STK3: variants seen among roughly 807,000 people sequenced by gnomAD.
The protein encoded by STK3 is serine/threonine kinase 3.
In STK3, 41 loss-of-function variants were observed where a neutral mutation model predicts 58.0. The observed-to-expected ratio is 0.71, with a 90% CI of 0.55 to 0.92. The LOEUF (loss-of-function observed/expected upper bound fraction) is 0.92, where lower values mean the gene tolerates loss of function less well. STK3 is among the 40% of genes least tolerant of loss of function. STK3 has a pLI of 0.00. For synonymous variants in STK3, 170 were observed against 191.0 expected, an observed-to-expected ratio of 0.89 and a Z score of 0.91; for missense variants, 479 against 602.7, an observed-to-expected ratio of 0.79 and a Z score of 2.15.
At chr8:98,858,453 C>T (rs1471562299) in intron 3 of STK3, among the ~76,000 whole-genome samples, 1 of 148,744 alleles carries the variant, frequency 6.7e-6, no homozygotes. Context: ...AGGCGTGAGT[C>T]ACCACATCCA....
intron 3 of STK3, among the ~76,000 whole-genome samples, chr8:98,872,899 C>T (rs1460372961): frequency 6.6e-6 from 1 of 152,094 alleles, no homozygotes; most frequent in Admixed American, 6.5e-5. Flanking sequence ...TATGTTTGCT[C>T]TTGCTTCTCT....
the STK3 span, among the ~76,000 whole-genome samples, chr8:98,355,080 C>T: frequency 6.6e-6 from 1 of 152,200 alleles, no homozygotes; most frequent in African/African-American, 2.4e-5. Flanking sequence ...CGCAACCTGC[C>T]AAGAGTGTCA....
chr8:98,353,650 T>C, the STK3 span, among the ~76,000 whole-genome samples: 1 of 152,172 alleles, frequency 6.6e-6, no homozygotes, highest in South Asian at 2.1e-4. Context: ...CCATTTCAGA[T>C]GAGGGATATT....
chr8:98,361,108 G>C, the STK3 span, among the ~76,000 whole-genome samples: 1 of 152,130 alleles, frequency 6.6e-6, no homozygotes, highest in Admixed American at 6.5e-5. Context: ...TAAGGTATTA[G>C]ATTACACTGA....
At chr8:98,911,382 T>TTTATTTA (rs1359629444) in intron 1 of STK3, among the ~76,000 whole-genome samples, 21 of 145,454 alleles carry the variant, frequency 1.4e-4, no homozygotes, top group African/African-American at 5.4e-4. Context: ...AAATATTGTA[T>TTTATTTA]TGTATTTATT....
At chr8:98,739,084 C>A (rs922834325) in intron 4 of STK3, among the ~76,000 whole-genome samples, 23 of 152,240 alleles carry the variant, frequency 1.5e-4, no homozygotes, top group African/African-American at 5.5e-4. Flanking sequence ...AACAAAGCAG[C>A]CGGGAAGCTC....
At chr8:98,414,855 C>T (rs376928918) in intron 3 of STK3, among the ~76,000 whole-genome samples, 4 of 152,288 alleles carry the variant, frequency 2.6e-5, no homozygotes, top group South Asian at 2.1e-4. Context: ...TCTGCACTAT[C>T]GGAAGGATGT....
At chr8:98,656,404 G>A (rs1391154697) in intron 6 of STK3, among the ~76,000 whole-genome samples, 1 of 152,000 alleles carries the variant, frequency 6.6e-6, no homozygotes, top group Non-Finnish European at 1.5e-5. Context: ...GTTAATGGGT[G>A]CAGCACACCA....
chr8:98,917,503 G>A (rs55892905), intron 1 of STK3, among the ~76,000 whole-genome samples: 12,137 of 152,160 alleles, frequency 0.08, 540 homozygotes, highest in South Asian at 0.1. Flanking sequence ...CCTTGGTCAC[G>A]AGGATGGACC....
rs1376299173 is a variant in STK3, at chr8:98,869,216, T to C, written c.110+14431A>G. Among the ~76,000 whole-genome samples the C allele has an allele frequency of 1.2e-3, 177 of 151,960 alleles. 1 individual carries two copies. The highest frequency in any genetic ancestry group is 1.6e-4 in the Non-Finnish European group (11 of 67,954). On this transcript the variant is annotated intron_variant, in intron 3 of 12. Coordinates refer to the STK3 transcript ENST00000523601. ...CTGGTGGATCACTCGAGCCCAGGAG[T>C]TCGAGGCCAGCCTGGCCAACATGGT...
At chr8:98,879,967 T>C (rs1837735198), downstream of STK3, 1 of 152,100 alleles carries the variant, frequency 6.6e-6, no homozygotes. Context: ...TAGTCAAAAA[T>C]AAATATAAAA....
Position 98,577,857 on chromosome 8 carries a change from T to C in STK3, c.948+1807A>G, listed in dbSNP as rs1004473142. 3.3e-5 allele frequency among the ~76,000 whole-genome samples: 5 copies of C among 152,086 alleles called. No individual in the cohort carries two copies. In the East Asian group the frequency reaches 9.6e-4, roughly 29 times the overall value. On this transcript the variant is annotated intron_variant, in intron 8 of 10. Coordinates refer to ENST00000419617, the MANE Select transcript of STK3 (RefSeq NM_006281.4). ...AGCTGAGACTCAAAAGAAAAGAACC[T>C]AGCCACTCCAAGAGTTCTAAGAAAA...
chr8:98,670,701 T>C (rs1038439296), intron 6 of STK3, among the ~76,000 whole-genome samples: 10 of 152,202 alleles, frequency 6.6e-5, no homozygotes, highest in Non-Finnish European at 1.2e-4. Context: ...ATACTACCTG[T>C]GGCCCATGGG....
intron 3 of STK3, among the ~76,000 whole-genome samples, chr8:98,870,169 T>G (rs187120771): frequency 5.3e-5 from 8 of 152,364 alleles, no homozygotes; most frequent in African/African-American, 1.9e-4. Flanking sequence ...ACAAAGGACA[T>G]GAACTCATCC....
At chr8:98,579,620 TAACTC>T (rs1263991979) in intron 8 of STK3, 39 bp downstream of exon 8, 11 of 1,591,052 alleles carry the variant, frequency 6.9e-6, no homozygotes, top group Middle Eastern at 1.7e-4. Context: ...TACAGACAAA[TAACTC>T]AGAAGAAAAA....
At chr8:98,347,252 C>T in the STK3 span, among the ~76,000 whole-genome samples, 33 of 152,006 alleles carry the variant, frequency 2.2e-4, 1 homozygote, top group East Asian at 9.6e-4. Flanking sequence ...CGGTGGCTCA[C>T]GCTTGTAATC....
chr8:98,570,625 C>T (rs1563751063), intron 8 of STK3, among the ~76,000 whole-genome samples: 1 of 150,874 alleles, frequency 6.6e-6, no homozygotes, highest in Non-Finnish European at 1.5e-5. Flanking sequence ...GGGCAACCAG[C>T]AAAAAAAACC....
chr8:98,451,294 C>A (rs1376505960), downstream of STK3, among the ~76,000 whole-genome samples: 4 of 152,144 alleles, frequency 2.6e-5, no homozygotes, highest in South Asian at 4.1e-4. Context: ...CACCAAGTCT[C>A]TGCCGTCAGG....
chr8:98,566,592 T>C (rs970993593), intron 8 of STK3, among the ~76,000 whole-genome samples: 2 of 152,128 alleles, frequency 1.3e-5, no homozygotes, highest in Non-Finnish European at 2.9e-5. Context: ...CTACATTATC[T>C]AAAAAGTTAG....
Sources: allele counts gnomAD v4.1 joint callset (sites outside exome capture counted in the v4.1 genomes callset), GRCh38; gene constraint gnomAD v4.1.1; transcripts MANE v1.5; gene names NCBI Gene and HGNC (gene_info 2026-07-23, HGNC 2026-07-21).